Variants in DLG1 observed in about 807,000 individuals in gnomAD.
DLG1 encodes disks large homolog 1.
In DLG1, 42 loss-of-function variants were observed where a neutral mutation model predicts 123.4. The observed-to-expected ratio is 0.34, with a 90% CI of 0.27 to 0.44. The LOEUF (loss-of-function observed/expected upper bound fraction) is 0.44. Ranked by LOEUF, DLG1 falls within the 20% of genes least tolerant of loss-of-function variation. DLG1 has a pLI of 1.00. For synonymous variants in DLG1, 317 were observed against 356.2 expected (o/e 0.89, Z 1.24); for missense variants, 942 against 1,082.6 (o/e 0.87, Z 1.82).
chr3:197,158,755 A>T (rs912615783), intron 5 of DLG1, among the ~76,000 whole-genome samples: 7 of 151,240 alleles, frequency 4.6e-5, no homozygotes, highest in African/African-American at 1.7e-4. Context: ...TCTTGCACAA[A>T]CACCTAGTAG....
At chr3:197,212,945 G>C (rs1732035461) in intron 4 of DLG1, among the ~76,000 whole-genome samples, 1 of 152,126 alleles carries the variant, frequency 6.6e-6, no homozygotes, top group Non-Finnish European at 1.5e-5. Context: ...CCAAATTTGG[G>C]GAGAAAGAAG....
At chr3:197,133,677 A>T (rs564211515) in intron 10 of DLG1, among the ~76,000 whole-genome samples, 1 of 152,338 alleles carries the variant, frequency 6.6e-6, no homozygotes, top group African/African-American at 2.4e-5. Context: ...AGTGAATAGT[A>T]AAAAGGAGAA....
chr3:197,068,014 C>A (rs967035466), intron 19 of DLG1, among the ~76,000 whole-genome samples: 2 of 152,126 alleles, frequency 1.3e-5, no homozygotes, highest in Non-Finnish European at 2.9e-5. Context: ...GATCCTATAA[C>A]AATTTTACCA....
Position 197,069,212 on chromosome 3 carries a change from CACTT to C in DLG1, c.2047+3_2047+6del. ...TTACAAAAGAACAAGTAACTTAAAACACTTACGGTAACTACTTTCACTATCGCTG... is the reference window on the plus strand; with the variant it reads ...TTACAAAAGAACAAGTAACTTAAAACACGGTAACTACTTTCACTATCGCTG... On this transcript the variant is annotated splice_donor_5th_base_variant and intron_variant, in intron 19 of 24. Coordinates refer to ENST00000667157, the MANE Select transcript of DLG1 (RefSeq NM_001366207.1). 1.3e-6 allele frequency: 2 copies of C among 1,583,918 alleles called. No homozygotes were observed. Among genetic ancestry groups the C allele is most frequent in the Non-Finnish European group, 1.7e-6 (2 of 1,163,314 alleles).
intron 14 of DLG1, among the ~76,000 whole-genome samples, chr3:197,103,610 A>G (rs1298054987): frequency 1.3e-5 from 2 of 151,706 alleles, no homozygotes; most frequent in East Asian, 3.9e-4. Flanking sequence ...ACTCCCAATT[A>G]AACAAATTTT....
intron 18 of DLG1, among the ~76,000 whole-genome samples, chr3:197,073,677 C>T (rs1365583517): frequency 1.3e-5 from 2 of 152,130 alleles, no homozygotes; most frequent in Admixed American, 6.6e-5. Flanking sequence ...CTCTTCTTCT[C>T]AGAATAAAGA....
intron 5 of DLG1, among the ~76,000 whole-genome samples, chr3:197,172,394 C>T (rs1409067263): frequency 1.3e-5 from 2 of 151,968 alleles, no homozygotes; most frequent in South Asian, 2.1e-4. Flanking sequence ...AATAAATATA[C>T]ACCGTATTCC....
chr3:197,137,249 AACT>A (rs576564862), intron 9 of DLG1, among the ~76,000 whole-genome samples: 12 of 152,324 alleles, frequency 7.9e-5, no homozygotes, highest in Middle Eastern at 3.4e-3. Context: ...CACATATTGA[AACT>A]ACTATTTCCA....
intron 10 of DLG1, among the ~76,000 whole-genome samples, chr3:197,132,329 G>T (rs1783088429): frequency 1.3e-5 from 2 of 149,320 alleles, no homozygotes; most frequent in Non-Finnish European, 1.5e-5. Context: ...CATTATCAAT[G>T]TTTCCGTTTT....
chr3:197,090,307 G>GAA (rs36030396), intron 15 of DLG1, among the ~76,000 whole-genome samples: 2 of 145,070 alleles, frequency 1.4e-5, no homozygotes, highest in African/African-American at 2.5e-5. Context: ...CCAACGAAAT[G>GAA]AAAAAAAAAA....
At chr3:197,075,750 A>C in intron 18 of DLG1, 1 of 1,188,398 alleles carries the variant, frequency 8.4e-7, no homozygotes, top group Non-Finnish European at 1.2e-6. Context: ...CCAGAAAGGC[A>C]CTACCATGAA....
intron 11 of DLG1, among the ~76,000 whole-genome samples, chr3:197,119,826 A>G (rs1372694953): frequency 4.6e-5 from 7 of 152,350 alleles, no homozygotes; most frequent in African/African-American, 1.7e-4. Context: ...TGTGAATAAT[A>G]AAAATCAGAG....
At chr3:197,170,380 T>C (rs1803538086) in intron 5 of DLG1, among the ~76,000 whole-genome samples, 1 of 152,144 alleles carries the variant, frequency 6.6e-6, no homozygotes, top group African/African-American at 2.4e-5. Flanking sequence ...TCATCAACAG[T>C]GTATAAGTGT....
intron 5 of DLG1, among the ~76,000 whole-genome samples, chr3:197,186,918 A>G (rs1175019509): frequency 1.3e-5 from 2 of 152,222 alleles, no homozygotes; most frequent in African/African-American, 4.8e-5. Context: ...CAAGAGGAAA[A>G]GCAATACTGA....
chr3:197,138,812 AT>A (rs1355240960), intron 8 of DLG1, among the ~76,000 whole-genome samples: 1 of 152,114 alleles, frequency 6.6e-6, no homozygotes, highest in Non-Finnish European at 1.5e-5. Context: ...TTTAATCCCT[AT>A]TTCACAGATG....
intron 13 of DLG1, among the ~76,000 whole-genome samples, chr3:197,107,428 C>T (rs1767122741): frequency 6.6e-6 from 1 of 151,992 alleles, no homozygotes; most frequent in Non-Finnish European, 1.5e-5. Context: ...ACCTGTAGTC[C>T]CAGCTACTTG....
intron 8 of DLG1, among the ~76,000 whole-genome samples, chr3:197,139,531 T>C (rs894825635): frequency 1.8e-4 from 27 of 152,162 alleles, no homozygotes; most frequent in African/African-American, 5.8e-4. Context: ...AATGACATAA[T>C]TTATGACCCT....
chr3:197,081,196 C>G, intron 16 of DLG1, 79 bp from the exon 17 acceptor site: 1 of 1,333,332 alleles, frequency 7.5e-7, no homozygotes, highest in Non-Finnish European at 1.0e-6. Flanking sequence ...GAATTGTTAT[C>G]TTTATAATGG....
chr3:197,211,272 C>T (rs185488359), intron 4 of DLG1, among the ~76,000 whole-genome samples: 1 of 146,460 alleles, frequency 6.8e-6, no homozygotes, highest in East Asian at 2.0e-4. Flanking sequence ...AGAGGCTGAA[C>T]TCCTCTCCAA....
Sources: allele counts gnomAD v4.1 joint callset (sites outside exome capture counted in the v4.1 genomes callset), GRCh38; gene constraint gnomAD v4.1.1; transcripts MANE v1.5; gene names NCBI Gene and HGNC (gene_info 2026-07-23, HGNC 2026-07-21).